The following PPP1R9A variants were observed in gnomAD, a reference collection of about 807,000 sequenced individuals.
PPP1R9A encodes the protein neurabin-1.
PPP1R9A carries 59 observed loss-of-function variants against 141.9 expected under a neutral mutation model. The ratio of observed to expected loss-of-function variants is 0.42; its 90% CI spans 0.34 to 0.52. The LOEUF (loss-of-function observed/expected upper bound fraction) is 0.52. Ranked by LOEUF, PPP1R9A falls within the 20% of genes least tolerant of loss-of-function variation. The pLI is 0.10. For missense variants in PPP1R9A, 1,444 were observed against 1,611.9 expected (o/e 0.90, Z 1.78); for synonymous variants, 500 against 569.7 (o/e 0.88, Z 1.74).
At chr7:95,076,937 C>T (rs1814940811) in intron 2 of PPP1R9A, among the ~76,000 whole-genome samples, 1 of 151,960 alleles carries the variant, frequency 6.6e-6, no homozygotes, top group Admixed American at 6.6e-5. Flanking sequence ...AGTTTTATCT[C>T]TTTCTTTCCA....
chr7:94,971,468 T>C (rs1182858769), intron 2 of PPP1R9A, among the ~76,000 whole-genome samples: 1 of 152,240 alleles, frequency 6.6e-6, no homozygotes, highest in Non-Finnish European at 1.5e-5. Flanking sequence ...TGCAAAAGAA[T>C]GTGAAACAAA....
chr7:94,970,459 A>G (rs1008308583), intron 2 of PPP1R9A, among the ~76,000 whole-genome samples: 3 of 152,080 alleles, frequency 2.0e-5, no homozygotes, highest in African/African-American at 7.2e-5. Flanking sequence ...GCTTTGGCTC[A>G]TGCCCCACCC....
At chr7:94,915,473 T>C (rs1315882787) in intron 2 of PPP1R9A, among the ~76,000 whole-genome samples, 1 of 152,186 alleles carries the variant, frequency 6.6e-6, no homozygotes, top group Admixed American at 6.5e-5. Flanking sequence ...GTAGGTATTC[T>C]ATGGGAAATT....
At chr7:95,030,300 C>T (rs144277526) in intron 2 of PPP1R9A, among the ~76,000 whole-genome samples, 1,809 of 152,086 alleles carry the variant, frequency 0.012, 17 homozygotes, top group Middle Eastern at 0.041. Flanking sequence ...TTTAGTAAAA[C>T]ACTTTTTAAA....
rs201463831 is a variant in PPP1R9A, at chr7:94,955,011, A to AT, written c.1395+43508dup. Among the ~76,000 whole-genome samples, 684 of 151,990 alleles carry AT rather than the reference A, an allele frequency of 4.5e-3. 4 individuals carry two copies. Among genetic ancestry groups the AT allele is most frequent in the African/African-American group, 0.014 (596 of 41,516 alleles). On this transcript the variant is annotated intron_variant, in intron 2 of 19. Transcript: ENST00000433360. ...TGTTTACAAAATTGCTCGTATTTAGATTTTTAAAAAAACTTTCTGAATCAG... is the reference window on the plus strand; with the variant it reads ...TGTTTACAAAATTGCTCGTATTTAGATTTTTTAAAAAAACTTTCTGAATCAG...
chr7:94,986,427 A>G (rs13245537), intron 2 of PPP1R9A, among the ~76,000 whole-genome samples: 15,061 of 152,196 alleles, frequency 0.099, 840 homozygotes, highest in East Asian at 0.17. Context: ...ACTCATATAT[A>G]GGAGCTAAAA....
chr7:95,025,024 C>T (rs1338364359), intron 2 of PPP1R9A, among the ~76,000 whole-genome samples: 1 of 151,948 alleles, frequency 6.6e-6, no homozygotes, highest in Non-Finnish European at 1.5e-5. Context: ...TTTATTTCTC[C>T]TTTGCGTATG....
intron 2 of PPP1R9A, among the ~76,000 whole-genome samples, chr7:95,016,944 C>T (rs1805193081): frequency 6.6e-6 from 1 of 152,050 alleles, no homozygotes; most frequent in African/African-American, 2.4e-5. Flanking sequence ...TAAAATGAGG[C>T]CATGCTGATT....
chr7:94,911,372 A>C lies in PPP1R9A; in HGVS notation c.1259A>C (p.Glu420Ala). The change falls in exon 2 of 20, where the codon GAG becomes GCG. Residue 420 changes from glutamate (E) to alanine (A), a missense_variant. Coordinates refer to ENST00000433360, the MANE Select transcript of PPP1R9A (RefSeq NM_001166160.2). ...YNSDWGETGT[E>A]QDEEEDSDEN... ...TCAGACTGGGGAGAGACAGGCACTGAGCAGGATGAGGAGGAAGATAGTGAT... is the reference window on the plus strand; with the variant it reads ...TCAGACTGGGGAGAGACAGGCACTGCGCAGGATGAGGAGGAAGATAGTGAT... 6.2e-7 allele frequency: 1 copy of C among 1,614,130 alleles called. No homozygotes were observed. The highest frequency in any genetic ancestry group is 8.5e-7 in the Non-Finnish European group (1 of 1,179,994).
chr7:94,985,579 G>T (rs539282373), intron 2 of PPP1R9A, among the ~76,000 whole-genome samples: 2 of 152,170 alleles, frequency 1.3e-5, no homozygotes, highest in South Asian at 2.1e-4. Context: ...ATTATGTGAT[G>T]GACTTCTTTG....
intron 9 of PPP1R9A, among the ~76,000 whole-genome samples, chr7:95,248,657 T>C (rs1798468696): frequency 6.6e-6 from 1 of 152,198 alleles, no homozygotes; most frequent in Non-Finnish European, 1.5e-5. Context: ...TGTGATTGTG[T>C]TTTAATGGCG....
intron 2 of PPP1R9A, among the ~76,000 whole-genome samples, chr7:95,072,108 G>A (rs1002826283): frequency 9.3e-5 from 14 of 150,716 alleles, no homozygotes; most frequent in African/African-American, 3.4e-4. Flanking sequence ...AAAGAAATAT[G>A]TATATTCATG....
intron 5 of PPP1R9A, among the ~76,000 whole-genome samples, chr7:95,194,807 A>G (rs994870236): frequency 2.6e-5 from 4 of 151,964 alleles, no homozygotes; most frequent in Non-Finnish European, 4.4e-5. Context: ...TATATTATTG[A>G]GAGAAAGTAA....
chr7:94,957,196 G>A (rs1470826134), intron 2 of PPP1R9A, among the ~76,000 whole-genome samples: 1 of 152,084 alleles, frequency 6.6e-6, no homozygotes, highest in African/African-American at 2.4e-5. Flanking sequence ...TAGTTGAAGG[G>A]AAGACATAGT....
At chr7:94,933,288 C>T (rs1794387770) in intron 2 of PPP1R9A, among the ~76,000 whole-genome samples, 1 of 152,112 alleles carries the variant, frequency 6.6e-6, no homozygotes, top group Non-Finnish European at 1.5e-5. Context: ...TAAATAAGGC[C>T]TGCTACTTCT....
intron 5 of PPP1R9A, among the ~76,000 whole-genome samples, chr7:95,167,794 C>A (rs948858120): frequency 6.7e-6 from 1 of 149,894 alleles, no homozygotes; most frequent in East Asian, 2.0e-4. Flanking sequence ...AGAAGACAAC[C>A]AAATTTACAA....
chr7:95,251,563 A>G (rs1241807134), intron 10 of PPP1R9A, among the ~76,000 whole-genome samples, 199 bp from the exon 11 acceptor site: 1 of 152,192 alleles, frequency 6.6e-6, no homozygotes, highest in Non-Finnish European at 1.5e-5. Context: ...AGCAGAATCG[A>G]ATCATTTTTC....
At position 95,181,456 on chromosome 7, in the gene PPP1R9A, A is replaced by AG. The variant is rs1563370336; in HGVS notation, c.1755-16893_1755-16892insG. 2.7e-3 allele frequency among the ~76,000 whole-genome samples: 374 copies of AG among 137,738 alleles called. 5 individuals carry two copies. The highest frequency in any genetic ancestry group is 9.5e-3 in the African/African-American group (357 of 37,662). 90.4% of individuals were successfully genotyped at this position (137,738 alleles called of 152,430 possible). ...TATATATATTCCATCATATATATAGAATATATATAGAGAATATATATATTC... is the reference window on the plus strand; with the variant it reads ...TATATATATTCCATCATATATATAGAGATATATATAGAGAATATATATATTC... On this transcript the variant is annotated intron_variant, in intron 5 of 19. Transcript: ENST00000433360.
chr7:95,088,864 A>T (rs1473374156), intron 2 of PPP1R9A, among the ~76,000 whole-genome samples: 2 of 152,062 alleles, frequency 1.3e-5, no homozygotes, highest in Non-Finnish European at 2.9e-5. Context: ...ACTGGAAAAC[A>T]TTAATGCAGT....
Sources: allele counts gnomAD v4.1 joint callset (sites outside exome capture counted in the v4.1 genomes callset), GRCh38; gene constraint gnomAD v4.1.1; transcripts MANE v1.5; gene names NCBI Gene and HGNC (gene_info 2026-07-23, HGNC 2026-07-21).